WDR25: variants seen among roughly 807,000 people sequenced by gnomAD.
The protein encoded by WDR25 is WD repeat-containing protein 25.
Under a neutral mutation model 47.7 loss-of-function variants are expected in WDR25, and 35 were observed. That is an observed-to-expected ratio of 0.73 (90% confidence interval 0.56 to 0.97). The LOEUF (loss-of-function observed/expected upper bound fraction) is 0.97, where lower values mean the gene tolerates loss of function less well. WDR25 is among the 50% of genes least tolerant of loss of function. The pLI is 0.00. For synonymous variants in WDR25, 248 were observed against 278.9 expected, an observed-to-expected ratio of 0.89 and a Z score of 1.10; for missense variants, 634 against 704.7, an observed-to-expected ratio of 0.90 and a Z score of 1.14.
chr14:100,498,200 A>G lies in WDR25; in HGVS notation c.1101+14076A>G, dbSNP rs1470128986. Among the ~76,000 whole-genome samples the G allele has an allele frequency of 6.6e-6, 1 of 152,200 alleles. No homozygotes were observed. The highest frequency in any genetic ancestry group is 1.5e-5 in the Non-Finnish European group (1 of 68,042). On this transcript the variant is annotated intron_variant, in intron 4 of 6. Coordinates refer to ENST00000402312, the MANE Select transcript of WDR25 (RefSeq NM_001161476.3). This position sits in a 1 kb window ranked among gnomAD's most constrained non-coding sequence, Gnocchi z 4.2. ...GTGGGCAGGCTTTCCTGGCAGCCAC[A>G]GCCTTTTCTCACACCCCTGAGGGAA...
chr14:100,429,415 G>A (rs971348491), intron 2 of WDR25, among the ~76,000 whole-genome samples: 1 of 152,200 alleles, frequency 6.6e-6, no homozygotes, highest in African/African-American at 2.4e-5. Flanking sequence ...AGGGGCTAAG[G>A]TGGCTCAGGA....
Position 100,407,924 on chromosome 14 carries a change from C to T in WDR25, c.822+26178C>T, listed in dbSNP as rs781650339. 1.4e-4 allele frequency among the ~76,000 whole-genome samples: 22 copies of T among 152,252 alleles called. No individual in the cohort carries two copies. The highest frequency in any genetic ancestry group is 2.8e-4 in the Non-Finnish European group (19 of 68,018). On this transcript the variant is annotated intron_variant, in intron 2 of 6. Coordinates refer to ENST00000402312, the MANE Select transcript of WDR25 (RefSeq NM_001161476.3). This position sits in a 1 kb window ranked among gnomAD's most constrained non-coding sequence, Gnocchi z 4.1. ...TGAGCTGTGGGAATGACCCTTGACT[C>T]CTATCCTGATGGGAGTGGGAGAGGG...
At chr14:100,477,516 G>A (rs530041818) in intron 3 of WDR25, among the ~76,000 whole-genome samples, 1 of 152,210 alleles carries the variant, frequency 6.6e-6, no homozygotes, top group Non-Finnish European at 1.5e-5. Context: ...TAAGGTTAAA[G>A]GTTATATAAC....
chr14:100,412,424 A>C (rs1246897886), intron 2 of WDR25, among the ~76,000 whole-genome samples: 1 of 152,100 alleles, frequency 6.6e-6, no homozygotes, highest in African/African-American at 2.4e-5. Context: ...GGAGTGGTGA[A>C]AACACGGCTC....
rs952022492 is a variant in WDR25 at position 100,449,445 on chromosome 14, C to T, written c.823-18576C>T. On this transcript the variant is annotated intron_variant, in intron 2 of 6. Coordinates refer to ENST00000402312, the MANE Select transcript of WDR25 (RefSeq NM_001161476.3). The surrounding 1 kb of genome is among the most constrained non-coding windows in gnomAD (Gnocchi z 4.2). ...AACCTGACTTTCTGAGAGTGGTCAC[C>T]TCTATTCCGGGGCCCTGCCCTGGCT... Among the ~76,000 whole-genome samples the T allele has an allele frequency of 2.0e-5, 3 of 152,186 alleles. No individual in the cohort carries two copies. Among genetic ancestry groups the T allele is most frequent in the Non-Finnish European group, 2.9e-5 (2 of 68,038 alleles).
chr14:100,472,389 C>T (rs1007022872), intron 3 of WDR25, among the ~76,000 whole-genome samples: 4 of 152,248 alleles, frequency 2.6e-5, no homozygotes, highest in East Asian at 1.9e-4. Flanking sequence ...TCTGCCTCCC[C>T]GAACCAGGCC....
chr14:100,467,436 G>A (rs1046654106), intron 2 of WDR25, among the ~76,000 whole-genome samples: 3 of 152,212 alleles, frequency 2.0e-5, no homozygotes, highest in Admixed American at 2.0e-4. Context: ...CCACCCGGCT[G>A]CAGGGATGAA....
In WDR25 at chr14:100,530,175, A is replaced by T; in HGVS notation, c.*134A>T. 1.1e-6 allele frequency: 1 copy of T among 896,570 alleles called. No individual in the cohort carries two copies. 55.5% of individuals were successfully genotyped at this position (896,570 alleles called of 1,614,324 possible). The stretch of plus-strand genomic sequence containing the variant: ...CCACCTTCTGAGCCTCAGTTTCCTC[A>T]TCTGTAAAGTGGGGAGAAAAGTCTG... On this transcript the variant is annotated 3_prime_UTR_variant, in exon 7 of 7. Transcript: ENST00000402312.
Position 100,430,702 on chromosome 14 carries a change from C to T in WDR25, c.823-37319C>T, listed in dbSNP as rs935569450. 3.9e-5 allele frequency among the ~76,000 whole-genome samples: 6 copies of T among 152,164 alleles called. No homozygotes were observed. Among genetic ancestry groups the T allele is most frequent in the Admixed American group, 2.6e-4 (4 of 15,270 alleles). On this transcript the variant is annotated intron_variant, in intron 2 of 6. Transcript: ENST00000402312. This position sits in a 1 kb window ranked among gnomAD's most constrained non-coding sequence, Gnocchi z 4.7. Reference sequence around the variant, plus strand: ...TGACCCAGTGAGGGAGGCTGCATCTCGATAGGCTGTGGGGAAGGGATGGTG... The same window carrying T: ...TGACCCAGTGAGGGAGGCTGCATCTTGATAGGCTGTGGGGAAGGGATGGTG...
chr14:100,442,420 A>G (rs74078479), intron 2 of WDR25, among the ~76,000 whole-genome samples: 114 of 152,282 alleles, frequency 7.5e-4, no homozygotes, highest in African/African-American at 2.5e-3. Flanking sequence ...CACATCTAGC[A>G]TTGTGGATAA....
At position 100,381,560 on chromosome 14, in the gene WDR25, C is replaced by G; in HGVS notation, c.636C>G (p.Tyr212Ter). 6.2e-7 allele frequency: 1 copy of G among 1,609,748 alleles called. No homozygotes were observed. The highest frequency in any genetic ancestry group is 8.5e-7 in the Non-Finnish European group (1 of 1,177,050). ...PPAGRAPAPL[Y>*]VGPGVSEFIQ... ...CAGGGCGTGCCCCAGCCCCTCTCTA[C>G]GTGGGCCCGGGAGTGTCTGAGTTTA... Residue 212 changes from tyrosine (Y) to a stop codon, truncating the protein, a stop_gained, in exon 2 of 7, where the codon TAC (tyrosine) becomes TAG (stop). Transcript: ENST00000402312. LOFTEE classifies it high-confidence loss of function.
chr14:100,513,625 A>G (rs1354887726), intron 4 of WDR25, among the ~76,000 whole-genome samples: 2 of 151,590 alleles, frequency 1.3e-5, no homozygotes, highest in African/African-American at 4.8e-5. Context: ...TACCAGGTGC[A>G]TACACAGTTA....
At chr14:100,490,199 G>T (rs750848643) in intron 4 of WDR25, among the ~76,000 whole-genome samples, 1 of 152,042 alleles carries the variant, frequency 6.6e-6, no homozygotes, top group Non-Finnish European at 1.5e-5. Flanking sequence ...GTAGCATTCT[G>T]GTAGCATGTG....
At position 100,430,607 on chromosome 14, in the gene WDR25, A is replaced by T. The variant is rs759238834; in HGVS notation, c.823-37414A>T. 6.6e-5 allele frequency among the ~76,000 whole-genome samples: 10 copies of T among 152,190 alleles called. No homozygotes were observed. The highest frequency in any genetic ancestry group is 2.0e-4 in the Admixed American group (3 of 15,274). ...TACTGATAACCTCGTACCTTATGCC[A>T]GGCAGGACTGTGGTCCCTGTTTGCA... is the stretch of plus-strand genomic sequence containing the variant. On this transcript the variant is annotated intron_variant, in intron 2 of 6. Transcript: ENST00000402312. The surrounding 1 kb of genome is among the most constrained non-coding windows in gnomAD (Gnocchi z 4.7).
In WDR25 at chr14:100,529,004, C is replaced by T; in HGVS notation, c.1273-64C>T. The T allele has an allele frequency of 6.7e-7, 1 of 1,495,910 alleles. No homozygotes were observed. Among genetic ancestry groups the T allele is most frequent in the East Asian group, 2.3e-5 (1 of 42,900 alleles). The allele number at this position is 1,495,910 out of a possible 1,614,324, so 92.7% of individuals were successfully genotyped here. ...TAGGGTCTGGGAGCAGGCCCCAGGCCCCAGAGCAGAGTGCCAGGTTGGGGG... is the reference window on the plus strand; with the variant it reads ...TAGGGTCTGGGAGCAGGCCCCAGGCTCCAGAGCAGAGTGCCAGGTTGGGGG... On this transcript the variant is annotated intron_variant, in intron 5 of 6. Coordinates refer to ENST00000402312, the MANE Select transcript of WDR25 (RefSeq NM_001161476.3). This position sits in a 1 kb window ranked among gnomAD's most constrained non-coding sequence, Gnocchi z 5.1.
rs537719824 is a variant in WDR25, at chr14:100,507,822, GC to G, written c.1102-18047del. Among the ~76,000 whole-genome samples, 304 of 152,118 alleles carry G rather than the reference GC, an allele frequency of 2.0e-3. 2 individuals are homozygous for G. The highest frequency in any genetic ancestry group is 7.2e-3 in the African/African-American group (300 of 41,524). On this transcript the variant is annotated intron_variant, in intron 4 of 6. Transcript: ENST00000402312. ...ATTTATTAGTTCCAGGAGCCCTTTG[GC>G]ATAGTCTTTAGGGTTTTCTAAATAT...
rs34968968 is a variant in WDR25 at position 100,481,439 on chromosome 14, CT to C, written c.971-2540del. Among the ~76,000 whole-genome samples, 282 of 140,478 alleles carry C rather than the reference CT, an allele frequency of 2.0e-3. 1 individual carries two copies. The highest frequency in any genetic ancestry group is 7.2e-3 in the Middle Eastern group (2 of 278). The allele number at this position is 140,478 out of a possible 152,430, so 92.2% of individuals were successfully genotyped here. A position where few individuals can be genotyped will look rare whatever the true frequency, so the allele number is the denominator to read the frequency against. On this transcript the variant is annotated intron_variant, in intron 3 of 6. Coordinates refer to ENST00000402312, the MANE Select transcript of WDR25 (RefSeq NM_001161476.3). ...TCATCCCATTTTTTAAGTGTAAATG[CT>C]TTTTTTTTTTTTTTAAGAGGTGAAA...
At chr14:100,504,589 G>A (rs2140353792) in intron 4 of WDR25, 1 of 152,310 alleles carries the variant, frequency 6.6e-6, no homozygotes, top group South Asian at 2.1e-4. Context: ...ATAGTCCATT[G>A]TATGGACATA....
intron 2 of WDR25, among the ~76,000 whole-genome samples, chr14:100,400,933 A>G (rs746920687): frequency 6.6e-6 from 1 of 152,232 alleles, no homozygotes; most frequent in Non-Finnish European, 1.5e-5. Context: ...TTATTTTAGA[A>G]GAAAGGTTTG....
Sources: allele counts gnomAD v4.1 joint callset (sites outside exome capture counted in the v4.1 genomes callset), GRCh38; gene constraint gnomAD v4.1.1; non-coding constraint Gnocchi (gnomAD v3.1); transcripts MANE v1.5; gene names NCBI Gene and HGNC (gene_info 2026-07-23, HGNC 2026-07-21).